ADGRL3: variants seen among roughly 807,000 people sequenced by gnomAD.
ADGRL3 encodes the protein adhesion G protein-coupled receptor L3.
A neutral mutation model predicts 153.5 loss-of-function variants in ADGRL3; 62 were observed. The ratio of observed to expected loss-of-function variants is 0.40; its 90% CI spans 0.33 to 0.50. The LOEUF (loss-of-function observed/expected upper bound fraction) is 0.50. ADGRL3 is among the 20% of genes least tolerant of loss of function. ADGRL3 has a pLI of 0.47. For missense variants in ADGRL3, 1,641 were observed against 1,859.4 expected (o/e 0.88, Z 2.16); for synonymous variants, 710 against 672.5 (o/e 1.06, Z -0.86).
At chr4:61,702,375 C>T (rs1580356261) in intron 6 of ADGRL3, among the ~76,000 whole-genome samples, 2 of 152,162 alleles carry the variant, frequency 1.3e-5, no homozygotes, top group Admixed American at 6.5e-5. Context: ...CAATTTTATG[C>T]CATTTGCATG....
At chr4:61,446,363 A>T (rs1363547879) in intron 2 of ADGRL3, among the ~76,000 whole-genome samples, 2 of 152,186 alleles carry the variant, frequency 1.3e-5, no homozygotes, top group Non-Finnish European at 2.9e-5. Context: ...TCATGATTTC[A>T]GGCAAGTTAA....
chr4:61,964,193 A>G (rs900316671), intron 17 of ADGRL3, among the ~76,000 whole-genome samples: 10 of 152,182 alleles, frequency 6.6e-5, no homozygotes, highest in African/African-American at 2.4e-5. Context: ...TGTTCCCATT[A>G]TTAATTGATC....
At chr4:61,946,877 G>T in intron 15 of ADGRL3, 37 bp from the exon 16 acceptor site, 1 of 1,475,778 alleles carries the variant, frequency 6.8e-7, no homozygotes, top group South Asian at 1.1e-5. Context: ...AATTTAAGTA[G>T]AGTGGACAAA....
intron 13 of ADGRL3, among the ~76,000 whole-genome samples, chr4:61,919,198 A>T (rs1012131951): frequency 1.3e-5 from 2 of 152,208 alleles, no homozygotes. Context: ...AACTGCAGCA[A>T]CAGGGAGTAC....
At chr4:61,398,659 C>T (rs930022355) in intron 2 of ADGRL3, among the ~76,000 whole-genome samples, 19 of 151,450 alleles carry the variant, frequency 1.3e-4, no homozygotes, top group African/African-American at 4.4e-4. Flanking sequence ...TATCCTCCCA[C>T]TTCACTTATG....
intron 5 of ADGRL3, among the ~76,000 whole-genome samples, chr4:61,646,442 G>A (rs2093988762): frequency 1.3e-5 from 2 of 151,834 alleles, no homozygotes; most frequent in Non-Finnish European, 1.5e-5. Context: ...TTTGATGATG[G>A]TGATGTACAG....
At chr4:61,360,083 G>A (rs2096260741) in intron 1 of ADGRL3, among the ~76,000 whole-genome samples, 1 of 152,084 alleles carries the variant, frequency 6.6e-6, no homozygotes, top group East Asian at 1.9e-4. Context: ...AGTGGAGAGG[G>A]ACATCAGAGT....
At chr4:62,054,999 C>T (rs1474804989) in intron 25 of ADGRL3, among the ~76,000 whole-genome samples, 1 of 151,686 alleles carries the variant, frequency 6.6e-6, no homozygotes. Context: ...AGAATAAGTG[C>T]ACTGTTCATG....
chr4:61,915,009 G>A (rs959337242), intron 13 of ADGRL3, among the ~76,000 whole-genome samples: 44 of 152,012 alleles, frequency 2.9e-4, no homozygotes, highest in African/African-American at 9.4e-4. Flanking sequence ...TTATTCTTGC[G>A]CATTTCATTC....
chr4:61,757,764 A>G (rs946811742), intron 8 of ADGRL3, among the ~76,000 whole-genome samples: 9 of 152,316 alleles, frequency 5.9e-5, no homozygotes, highest in African/African-American at 2.2e-4. Flanking sequence ...ATTTAGTGGT[A>G]TAAATTTCCC....
At chr4:62,067,534 C>T (rs1365839974) in intron 25 of ADGRL3, among the ~76,000 whole-genome samples, 1 of 151,794 alleles carries the variant, frequency 6.6e-6, no homozygotes, top group African/African-American at 2.4e-5. Flanking sequence ...GTTACACAAC[C>T]TTTGAATATG....
At chr4:61,659,072 G>A (rs1047401692) in intron 5 of ADGRL3, among the ~76,000 whole-genome samples, 1 of 152,092 alleles carries the variant, frequency 6.6e-6, no homozygotes, top group Non-Finnish European at 1.5e-5. Flanking sequence ...ACTTGCAGCT[G>A]CATCTTTCCA....
chr4:61,479,997 C>G (rs1403671173), intron 2 of ADGRL3, among the ~76,000 whole-genome samples: 1 of 152,108 alleles, frequency 6.6e-6, no homozygotes, highest in Admixed American at 6.5e-5. Context: ...GTTCATCTCT[C>G]AGCTACTATT....
intron 5 of ADGRL3, among the ~76,000 whole-genome samples, chr4:61,608,677 AAT>A (rs1419341882): frequency 6.6e-6 from 1 of 152,200 alleles, no homozygotes; most frequent in East Asian, 1.9e-4. Flanking sequence ...TTGTTTTCTA[AAT>A]ATGTCTCTGT....
At chr4:61,283,218 G>A (rs986884093) in intron 1 of ADGRL3, among the ~76,000 whole-genome samples, 4 of 152,040 alleles carry the variant, frequency 2.6e-5, no homozygotes. Context: ...AAAGATAAAA[G>A]TATTCCTCTC....
intron 5 of ADGRL3, among the ~76,000 whole-genome samples, chr4:61,662,155 A>G (rs1561021367): frequency 6.6e-6 from 1 of 152,202 alleles, no homozygotes; most frequent in Admixed American, 6.5e-5. Context: ...GAGGCAGGAC[A>G]GGAGCCTCGT....
intron 1 of ADGRL3, among the ~76,000 whole-genome samples, chr4:61,250,966 C>T (rs1283860312): frequency 2.0e-5 from 3 of 152,074 alleles, no homozygotes; most frequent in Non-Finnish European, 2.9e-5. Context: ...TTATTACTAC[C>T]GTTTCTATTA....
chr4:61,347,126 C>T (rs1246006666), intron 1 of ADGRL3, among the ~76,000 whole-genome samples: 1 of 152,030 alleles, frequency 6.6e-6, no homozygotes, highest in Non-Finnish European at 1.5e-5. Context: ...AGTGAGTGTG[C>T]TCAGAACCTT....
intron 1 of ADGRL3, among the ~76,000 whole-genome samples, chr4:61,205,016 C>G (rs2148739051): frequency 6.6e-6 from 1 of 152,260 alleles, no homozygotes; most frequent in South Asian, 2.1e-4. Flanking sequence ...CACTTACTGG[C>G]TGCAGCTACT....
Sources: allele counts gnomAD v4.1 joint callset (sites outside exome capture counted in the v4.1 genomes callset), GRCh38; gene constraint gnomAD v4.1.1; transcripts MANE v1.5; gene names NCBI Gene and HGNC (gene_info 2026-07-23, HGNC 2026-07-21).